IGSF10: variants seen among roughly 807,000 people sequenced by gnomAD.
IGSF10 encodes immunoglobulin superfamily member 10, also known as calvaria mechanical force protein 608.
A neutral mutation model predicts 128.2 loss-of-function variants in IGSF10; 126 were observed. That is an observed-to-expected ratio of 0.98 (90% CI 0.85 to 1.14). The LOEUF (loss-of-function observed/expected upper bound fraction) is 1.14, where lower values mean the gene tolerates loss of function less well. IGSF10 is among the 50% of genes most tolerant of loss of function. IGSF10 has a pLI of 0.00. For synonymous variants in IGSF10, 1,185 were observed against 1,146.2 expected (o/e 1.03, Z -0.68); for missense variants, 3,295 against 3,149.8 (o/e 1.05, Z -1.10).
the IGSF10 span, among the ~76,000 whole-genome samples, chr3:151,534,668 G>T: frequency 6.6e-6 from 1 of 151,880 alleles, no homozygotes; most frequent in Non-Finnish European, 1.5e-5. Flanking sequence ...GTGGGGAGCT[G>T]GGGGAGGGGT....
chr3:151,509,853 TA>T, the IGSF10 span, among the ~76,000 whole-genome samples: 1 of 152,170 alleles, frequency 6.6e-6, no homozygotes, highest in East Asian at 1.9e-4. Context: ...CAGAGGGTCT[TA>T]CACCCACAGA....
At chr3:151,505,873 G>A in the IGSF10 span, among the ~76,000 whole-genome samples, 1 of 152,244 alleles carries the variant, frequency 6.6e-6, no homozygotes, top group African/African-American at 2.4e-5. Context: ...CCATCCCAAA[G>A]GTGCAAATTA....
chr3:151,467,293 G>A, the IGSF10 span, among the ~76,000 whole-genome samples: 9 of 152,134 alleles, frequency 5.9e-5, no homozygotes, highest in Non-Finnish European at 1.3e-4. Context: ...TACAAAGTAA[G>A]ACCTGATCAG....
chr3:151,534,017 A>C, the IGSF10 span, among the ~76,000 whole-genome samples: 1 of 152,270 alleles, frequency 6.6e-6, no homozygotes, highest in South Asian at 2.1e-4. Context: ...GACACTTCTC[A>C]AAAGAAGACA....
chr3:151,613,727 A>G, the IGSF10 span, among the ~76,000 whole-genome samples: 1 of 152,250 alleles, frequency 6.6e-6, no homozygotes, highest in Non-Finnish European at 1.5e-5. Context: ...AAACCCTAGA[A>G]GAAAACTTAG....
chr3:151,442,983 C>G lies in IGSF10; in HGVS notation c.5963+1G>C. 6.2e-7 allele frequency: 1 copy of G among 1,612,282 alleles called. No individual in the cohort carries two copies. On this transcript the variant is annotated splice_donor_variant, in intron 7 of 7. Coordinates refer to ENST00000282466, the MANE Select transcript of IGSF10 (RefSeq NM_178822.5). LOFTEE classifies it high-confidence loss of function. ...ATTCCAACCCAAAGGTATAGACTTA[C>G]CTATGCTGCTGGTCGACCACAGCCT...
At chr3:151,612,584 T>C in the IGSF10 span, among the ~76,000 whole-genome samples, 99 of 152,250 alleles carry the variant, frequency 6.5e-4, no homozygotes, top group African/African-American at 2.3e-3. Flanking sequence ...TCCCAGGTAA[T>C]AGATATCTGC....
chr3:151,563,198 T>C, the IGSF10 span, among the ~76,000 whole-genome samples: 1 of 152,102 alleles, frequency 6.6e-6, no homozygotes, highest in Non-Finnish European at 1.5e-5. Flanking sequence ...CCTGCGGCCC[T>C]CTAGGAGAGG....
the IGSF10 span, among the ~76,000 whole-genome samples, chr3:151,475,203 G>A: frequency 4.6e-5 from 7 of 152,146 alleles, no homozygotes; most frequent in Non-Finnish European, 8.8e-5. Context: ...AAAAAGATGT[G>A]ACTTGTGAAT....
chr3:151,461,144 C>G, upstream of IGSF10: 13 of 985,428 alleles, frequency 1.3e-5, no homozygotes, highest in Non-Finnish European at 1.6e-5. Context: ...GGATGAGAAA[C>G]GACCACCGGG....
the IGSF10 span, among the ~76,000 whole-genome samples, chr3:151,533,795 T>C: frequency 1.3e-5 from 2 of 152,078 alleles, no homozygotes; most frequent in African/African-American, 2.4e-5. Context: ...AAAGCCAAAA[T>C]TGACAAATGG....
chr3:151,446,951 A>G lies in IGSF10; in HGVS notation c.3030T>C (p.Phe1010=). The change falls in exon 6 of 8, where the codon TTT becomes TTC. Residue 1010 remains phenylalanine, a synonymous_variant. Transcript: ENST00000282466. ...TTCCGCCAATTTTCCTCTGCCTCCC[A>G]AAGCGTCTGAACAGCGGGATGTTAA... ...STVNIPLFRR[F]GRQRKIGGRG... The G allele has an allele frequency of 5.0e-6, 8 of 1,614,194 alleles. No homozygotes were observed. The South Asian group carries it at 8.8e-5, about 18-fold the overall frequency.
the IGSF10 span, among the ~76,000 whole-genome samples, chr3:151,491,379 C>A: frequency 4.6e-5 from 7 of 152,166 alleles, no homozygotes; most frequent in African/African-American, 1.7e-4. Context: ...GAGGTCAAGA[C>A]CAACCTGGCC....
At chr3:151,590,566 T>C in the IGSF10 span, among the ~76,000 whole-genome samples, 2 of 152,036 alleles carry the variant, frequency 1.3e-5, no homozygotes, top group East Asian at 1.9e-4. Context: ...GTAAAAAAGA[T>C]GACATGGAGT....
Position 151,437,236 on chromosome 3 carries a change from AC to A in IGSF10, c.7324del (p.Val2442Ter), listed in dbSNP as rs757704388. ...TAGAGATTCTCCACTGATGCCTTTT[AC>A]TGTCCCTGGTGCATAGGTAAGAATA... Reference protein sequence around the residue: ...PVILTYAPGTVKGISGESLSL... With the variant: ...PVILTYAPGTXKGISGESLSL... On this transcript the variant is annotated frameshift_variant, in exon 8 of 8. Transcript: ENST00000282466. LOFTEE classifies it low-confidence loss of function (END_TRUNC). 5 of 1,614,090 alleles carry A rather than the reference AC, an allele frequency of 3.1e-6. No homozygotes were observed. Among genetic ancestry groups the A allele is most frequent in the Non-Finnish European group, 4.2e-6 (5 of 1,180,036 alleles).
chr3:151,475,997 C>T, the IGSF10 span: 4 of 152,288 alleles, frequency 2.6e-5, no homozygotes, highest in East Asian at 1.9e-4. Context: ...ACATCAAACT[C>T]GACTTTGCAA....
the IGSF10 span, among the ~76,000 whole-genome samples, chr3:151,564,338 G>C: frequency 1.1e-4 from 17 of 151,964 alleles, no homozygotes; most frequent in African/African-American, 3.6e-4. Flanking sequence ...AATTGCACAG[G>C]GAGCCAATTG....
the IGSF10 span, among the ~76,000 whole-genome samples, chr3:151,490,696 T>C: frequency 1.3e-5 from 2 of 152,204 alleles, no homozygotes; most frequent in South Asian, 4.1e-4. Context: ...CCACAATGGT[T>C]TGAAATTAGA....
chr3:151,468,732 G>A, the IGSF10 span, among the ~76,000 whole-genome samples: 6 of 152,126 alleles, frequency 3.9e-5, no homozygotes, highest in Non-Finnish European at 8.8e-5. Context: ...AGGGTTGTTT[G>A]TATTTTTAAA....
Sources: allele counts gnomAD v4.1 joint callset (sites outside exome capture counted in the v4.1 genomes callset), GRCh38; gene constraint gnomAD v4.1.1; transcripts MANE v1.5; gene names NCBI Gene and HGNC (gene_info 2026-07-23, HGNC 2026-07-21).